RCOR3: variants seen among roughly 807,000 people sequenced by gnomAD.
RCOR3 encodes the protein REST corepressor 3.
A neutral mutation model predicts 64.1 loss-of-function variants in RCOR3; 13 were observed. The observed-to-expected ratio is 0.20, with a 90% CI of 0.13 to 0.32. The LOEUF (loss-of-function observed/expected upper bound fraction) is 0.32. Among genes scored for constraint, RCOR3 ranks in the 10% least tolerant of loss-of-function variants. The pLI, the probability that RCOR3 is intolerant of heterozygous loss-of-function variation, is 1.00. For missense variants in RCOR3, 489 were observed against 701.2 expected, an observed-to-expected ratio of 0.70 and a Z score of 3.42; for synonymous variants, 215 against 239.0, an observed-to-expected ratio of 0.90 and a Z score of 0.93.
At position 211,312,240 on chromosome 1, in the gene RCOR3, T is replaced by C. The variant is rs1425654256; in HGVS notation, c.1076-480T>C. ...GAAGTTAGTATTAAGACCAAAATTATAATGCTTTTCTTAATGGGGGAACCC... is the reference window on the plus strand; with the variant it reads ...GAAGTTAGTATTAAGACCAAAATTACAATGCTTTTCTTAATGGGGGAACCC... On this transcript the variant is annotated intron_variant, in intron 10 of 11. Transcript: ENST00000419091. This position sits in a 1 kb window ranked among gnomAD's most constrained non-coding sequence, Gnocchi z 5.0. The C allele has an allele frequency of 3.6e-5, 12 of 336,386 alleles. No individual in the cohort carries two copies. The Middle Eastern group carries it at 1.2e-3, about 33-fold the overall frequency. 20.8% of individuals were successfully genotyped at this position (336,386 alleles called of 1,614,324 possible). A position where few individuals can be genotyped will look rare whatever the true frequency, so the allele number is the denominator to read the frequency against.
At chr1:211,300,321 C>T (rs1404636879) in intron 9 of RCOR3, among the ~76,000 whole-genome samples, 10 of 152,140 alleles carry the variant, frequency 6.6e-5, no homozygotes, top group East Asian at 1.9e-4. Flanking sequence ...CCACCTGCCT[C>T]GGCCTCCCAA....
At chr1:211,291,596 A>G in intron 8 of RCOR3, 3 of 456,178 alleles carry the variant, frequency 6.6e-6, no homozygotes, top group South Asian at 1.5e-5. Context: ...TCTGCTTACA[A>G]AATGTAAGAA....
rs1701739143 is a variant in RCOR3, at chr1:211,314,071, T to C, written c.*303T>C. On this transcript the variant is annotated 3_prime_UTR_variant, in exon 12 of 12. Transcript: ENST00000419091. ...ATATACCAAGTTTTTGTTTTGTTTT[T>C]ACTGTATTTATTTTATTGAGGTTCT... 2 of 271,738 alleles carry C rather than the reference T, an allele frequency of 7.4e-6. No homozygotes were observed. The highest frequency in any genetic ancestry group is 9.6e-5 in the Admixed American group (2 of 20,732). 16.8% of individuals were successfully genotyped at this position (271,738 alleles called of 1,614,324 possible).
rs1283037174 is a variant in RCOR3 at position 211,259,419 on chromosome 1, A to G, written c.-142A>G. On this transcript the variant is annotated 5_prime_UTR_variant, in exon 1 of 12. Coordinates refer to ENST00000419091, the MANE Select transcript of RCOR3 (RefSeq NM_001136223.3). ...GGAGCGGGGCGGTTATGGCGGCTCC[A>G]TATTAACAGCCTCCTCCTCCTCCGC... is the stretch of plus-strand genomic sequence containing the variant. 1.7e-4 allele frequency: 136 copies of G among 778,906 alleles called. No homozygotes were observed. The highest frequency in any genetic ancestry group is 1.5e-4 in the Non-Finnish European group (74 of 507,630). 48.2% of individuals were successfully genotyped at this position (778,906 alleles called of 1,614,324 possible).
In RCOR3 at chr1:211,313,432, C is replaced by A. The variant is rs1448185572; in HGVS notation, c.1326C>A (p.Thr442=). Residue 442 remains threonine, a synonymous_variant, in exon 12 of 12, where the codon ACC becomes ACA. Coordinates refer to ENST00000419091, the MANE Select transcript of RCOR3 (RefSeq NM_001136223.3). The surrounding 1 kb of genome is among the most constrained non-coding windows in gnomAD (Gnocchi z 4.7). ...KSTDEEEEAQ[T]PQAPRTLGPS... ...TGTTTCCTCACCTCTAGGCACAGAC[C>A]CCACAGGCTCCTCGGACACTGGGTC... 2.5e-6 allele frequency: 4 copies of A among 1,613,276 alleles called. No homozygotes were observed. The highest frequency in any genetic ancestry group is 3.4e-6 in the Non-Finnish European group (4 of 1,179,466).
intron 3 of RCOR3, chr1:211,271,720 A>T: frequency 3.1e-6 from 1 of 318,110 alleles, no homozygotes. Flanking sequence ...AACTGACTTC[A>T]GCAGCCATCA....
rs550289015 is a variant in RCOR3 at position 211,262,248 on chromosome 1, G to C, written c.223+2084G>C. On this transcript the variant is annotated intron_variant, in intron 2 of 11. Transcript: ENST00000419091. ...AGATGGGGTTTCACTGTGTTGGCCA[G>C]GCTGCTCTCGAACTCCTGACCTCGT... Among the ~76,000 whole-genome samples, 3 of 151,804 alleles carry C rather than the reference G, an allele frequency of 2.0e-5. No homozygotes were observed. The South Asian group carries it at 6.3e-4, about 32-fold the overall frequency.
intron 8 of RCOR3, among the ~76,000 whole-genome samples, chr1:211,290,367 T>C (rs911948368): frequency 6.6e-6 from 1 of 152,198 alleles, no homozygotes; most frequent in Non-Finnish European, 1.5e-5. Context: ...CCTGCTGTTA[T>C]CCCTTTCCCA....
At chr1:211,309,066 C>A in intron 10 of RCOR3, among the ~76,000 whole-genome samples, 1 of 124,018 alleles carries the variant, frequency 8.1e-6, no homozygotes. Context: ...GCTATCCATG[C>A]TATCCTTTCT....
intron 2 of RCOR3, 71 bp from the exon 3 acceptor site, chr1:211,271,161 T>G (rs1440837003): frequency 7.0e-7 from 1 of 1,421,486 alleles, no homozygotes; most frequent in Non-Finnish European, 9.9e-7. Context: ...CTGGGCAGCT[T>G]ACTTTGTTTC....
In RCOR3 at chr1:211,313,719, C is replaced by T; in HGVS notation, c.1613C>T (p.Pro538Leu). 6.2e-7 allele frequency: 1 copy of T among 1,614,194 alleles called. No homozygotes were observed. The highest frequency in any genetic ancestry group is 8.5e-7 in the Non-Finnish European group (1 of 1,180,044). ...PVLSTVGGQQ[P>L]PSLIGIQTDS... ...TTGTCCACGGTTGGTGGTCAACAGC[C>T]ACCATCACTTATTGGAATTCAGACA... The change falls in exon 12 of 12, where the codon CCA becomes CTA. Residue 538 changes from proline (P) to leucine (L), a missense_variant. This residue lies in a region of RCOR3 where 402 missense variants were observed against 617.0 expected (regional missense o/e 0.65). Transcript: ENST00000419091. This position sits in a 1 kb window ranked among gnomAD's most constrained non-coding sequence, Gnocchi z 4.7.
chr1:211,259,422 T>G lies in RCOR3; in HGVS notation c.-139T>G. ...GCGGGGCGGTTATGGCGGCTCCATATTAACAGCCTCCTCCTCCTCCGCCGC... is the reference window on the plus strand; with the variant it reads ...GCGGGGCGGTTATGGCGGCTCCATAGTAACAGCCTCCTCCTCCTCCGCCGC... On this transcript the variant is annotated 5_prime_UTR_variant, in exon 1 of 12. An upstream open reading frame in the 5' UTR gains an earlier in-frame stop. Transcript: ENST00000419091. 1 of 815,694 alleles carries G rather than the reference T, an allele frequency of 1.2e-6. No homozygotes were observed. The highest frequency in any genetic ancestry group is 1.9e-6 in the Non-Finnish European group (1 of 538,640). 50.5% of individuals were successfully genotyped at this position (815,694 alleles called of 1,614,324 possible).
At chr1:211,300,495 CCTT>C (rs1700267607) in intron 9 of RCOR3, among the ~76,000 whole-genome samples, 1 of 152,076 alleles carries the variant, frequency 6.6e-6, no homozygotes, top group South Asian at 2.1e-4. Context: ...AGATGACTAC[CCTT>C]CTTTTTCTTC....
intron 3 of RCOR3, among the ~76,000 whole-genome samples, chr1:211,273,661 T>C (rs997836723): frequency 6.6e-6 from 1 of 152,182 alleles, no homozygotes; most frequent in African/African-American, 2.4e-5. Context: ...GAAAGTGGAA[T>C]ACTCAAACAT....
At position 211,259,414 on chromosome 1, in the gene RCOR3, G is replaced by A; in HGVS notation, c.-147G>A. On this transcript the variant is annotated 5_prime_UTR_variant, in exon 1 of 12. Transcript: ENST00000419091. Reference sequence around the variant, plus strand: ...CTGCCGGAGCGGGGCGGTTATGGCGGCTCCATATTAACAGCCTCCTCCTCC... The same window carrying A: ...CTGCCGGAGCGGGGCGGTTATGGCGACTCCATATTAACAGCCTCCTCCTCC... The A allele has an allele frequency of 9.7e-6, 7 of 720,300 alleles. No homozygotes were observed. In the South Asian group the frequency reaches 1.1e-4, roughly 12 times the overall value. 44.6% of individuals were successfully genotyped at this position (720,300 alleles called of 1,614,324 possible). A position where few individuals can be genotyped will look rare whatever the true frequency, so the allele number is the denominator to read the frequency against.
At chr1:211,292,650 T>G (rs962993320) in intron 8 of RCOR3, among the ~76,000 whole-genome samples, 3 of 152,230 alleles carry the variant, frequency 2.0e-5, no homozygotes, top group African/African-American at 4.8e-5. Flanking sequence ...GTGTTCAAAC[T>G]GAGTTCTTCC....
intron 5 of RCOR3, among the ~76,000 whole-genome samples, chr1:211,276,672 T>C (rs1172978750): frequency 6.6e-6 from 1 of 152,248 alleles, no homozygotes; most frequent in Non-Finnish European, 1.5e-5. Context: ...ATAAGAGTTA[T>C]TTCGTATGTT....
At chr1:211,271,142 C>T in intron 2 of RCOR3, 90 bp from the exon 3 acceptor site, 2 of 1,116,542 alleles carry the variant, frequency 1.8e-6, no homozygotes, top group East Asian at 2.4e-5. Context: ...CAGGCATGAG[C>T]CACCGTGCCT....
chr1:211,286,606 C>T (rs1269376854), intron 7 of RCOR3, among the ~76,000 whole-genome samples: 4 of 151,968 alleles, frequency 2.6e-5, no homozygotes, highest in Admixed American at 1.3e-4. Flanking sequence ...TGTGCCCAGC[C>T]GGGATGTTTC....
Sources: allele counts gnomAD v4.1 joint callset (sites outside exome capture counted in the v4.1 genomes callset), GRCh38; gene constraint gnomAD v4.1.1; regional missense constraint gnomAD v4.1.1; non-coding constraint Gnocchi (gnomAD v3.1); transcripts MANE v1.5; gene names NCBI Gene and HGNC (gene_info 2026-07-23, HGNC 2026-07-21).